Variants in TLE2 observed in about 807,000 individuals in gnomAD.
TLE2 encodes transducin-like enhancer protein 2.
TLE2 carries 74 observed loss-of-function variants against 97.2 expected under a neutral mutation model. That is an observed-to-expected ratio of 0.76 (90% CI 0.63 to 0.92). The LOEUF is 0.92. Among genes scored for constraint, TLE2 ranks in the 40% least tolerant of loss-of-function variants. The probability of loss-of-function intolerance (pLI) is 0.00; values close to 1 mark genes in which losing one functional copy is unlikely to be tolerated. For synonymous variants in TLE2, 499 were observed against 432.1 expected (o/e 1.15, Z -1.92); for missense variants, 1,038 against 1,008.7 (o/e 1.03, Z -0.39).
chr19:3,009,877 TTC>T (rs199798455), intron 12 of TLE2, among the ~76,000 whole-genome samples, 175 bp from the exon 13 acceptor site: 20 of 114,330 alleles, frequency 1.7e-4, no homozygotes, highest in South Asian at 2.6e-4. Context: ...GGACACGACT[TTC>T]TCTCTCTCTT....
chr19:3,017,396 C>A (rs2089732900), intron 8 of TLE2, among the ~76,000 whole-genome samples: 1 of 151,864 alleles, frequency 6.6e-6, no homozygotes, highest in Non-Finnish European at 1.5e-5. Context: ...CCTTGGCCTC[C>A]CAAAGTGCTG....
chr19:3,025,805 C>T (rs578001279), intron 4 of TLE2, among the ~76,000 whole-genome samples: 5 of 148,818 alleles, frequency 3.4e-5, no homozygotes, highest in Admixed American at 2.7e-4. Context: ...CAGGGTGTCC[C>T]GCACCCCATA....
At chr19:3,014,215 C>T (rs1056211431) in intron 10 of TLE2, among the ~76,000 whole-genome samples, 2 of 152,218 alleles carry the variant, frequency 1.3e-5, no homozygotes, top group East Asian at 1.9e-4. Flanking sequence ...CCACCACGCC[C>T]GGCCTGTAAA....
chr19:3,029,140 G>A lies in TLE2; in HGVS notation c.-236C>T, dbSNP rs980456389. The A allele has an allele frequency of 3.7e-4, 379 of 1,016,648 alleles. 2 individuals carry two copies. In the African/African-American group the frequency reaches 6.2e-3, roughly 17 times the overall value. 63.0% of individuals were successfully genotyped at this position (1,016,648 alleles called of 1,614,324 possible). A position where few individuals can be genotyped will look rare whatever the true frequency, so the allele number is the denominator to read the frequency against. On this transcript the variant is annotated 5_prime_UTR_variant, in exon 1 of 20. Coordinates refer to ENST00000262953, the MANE Select transcript of TLE2 (RefSeq NM_003260.5). ...GCGCGGGGCGAGCGGGGCGGGCAGG[G>A]GCAGCGGCCGGGGCGGGAGCGCGGC...
At chr19:3,032,699 G>A (rs1044300525), upstream of TLE2, among the ~76,000 whole-genome samples, 16 of 152,002 alleles carry the variant, frequency 1.1e-4, no homozygotes, top group Admixed American at 9.2e-4. This position sits in a 1 kb window ranked among gnomAD's most constrained non-coding sequence, Gnocchi z 4.1. Flanking sequence ...GCCAGAAACC[G>A]CCGGCCACAC....
At chr19:3,031,731 C>T (rs2090026625), upstream of TLE2, among the ~76,000 whole-genome samples, 1 of 152,174 alleles carries the variant, frequency 6.6e-6, no homozygotes, top group Non-Finnish European at 1.5e-5. Context: ...AGGGCCATTG[C>T]ACTTTCTGTT....
At chr19:3,024,964 C>G (rs953688931) in intron 5 of TLE2, 56 bp downstream of exon 5, 7 of 1,482,296 alleles carry the variant, frequency 4.7e-6, no homozygotes, top group African/African-American at 1.4e-5. Flanking sequence ...GACCTACCCC[C>G]TCCCGTCTTC....
At chr19:3,000,996 C>T (rs1445221958) in intron 18 of TLE2, among the ~76,000 whole-genome samples, 4 of 151,630 alleles carry the variant, frequency 2.6e-5, no homozygotes, top group South Asian at 4.2e-4. Flanking sequence ...TATTTTTTGC[C>T]GGGGGCAGTG....
At chr19:3,026,058 CAG>C (rs1222987643) in intron 4 of TLE2, among the ~76,000 whole-genome samples, 1 of 152,112 alleles carries the variant, frequency 6.6e-6, no homozygotes, top group Non-Finnish European at 1.5e-5. Flanking sequence ...CCATGAAGCT[CAG>C]AAGTTTGGGA....
chr19:3,015,205 G>A (rs975081351), intron 9 of TLE2, among the ~76,000 whole-genome samples: 6 of 152,126 alleles, frequency 3.9e-5, no homozygotes, highest in African/African-American at 1.4e-4. Flanking sequence ...TCCCCAGCTG[G>A]CCACAGCCCC....
At chr19:3,026,168 C>T (rs1334274743) in intron 4 of TLE2, among the ~76,000 whole-genome samples, 20 of 152,106 alleles carry the variant, frequency 1.3e-4, no homozygotes, top group East Asian at 1.9e-4. Context: ...GTCTATTGGC[C>T]GGGCAAGGTG....
At chr19:3,009,742 AC>A in intron 12 of TLE2, 40 bp from the exon 13 acceptor site, 2 of 1,565,944 alleles carry the variant, frequency 1.3e-6, no homozygotes, top group Non-Finnish European at 1.7e-6. Context: ...GACGCCCTGG[AC>A]CCAGATCCCG....
At chr19:2,999,307 A>G (rs1353633426) in intron 19 of TLE2, among the ~76,000 whole-genome samples, 2 of 151,720 alleles carry the variant, frequency 1.3e-5, no homozygotes, top group African/African-American at 4.8e-5. Context: ...CACTGTACCA[A>G]CCAGGACGGG....
At chr19:3,017,961 GC>G in intron 7 of TLE2, 102 bp from the exon 8 acceptor site, 2 of 1,059,258 alleles carry the variant, frequency 1.9e-6, no homozygotes, top group East Asian at 2.6e-5. Flanking sequence ...AAAGCCCCCC[GC>G]CCCCACCACC....
At position 3,005,900 on chromosome 19, in the gene TLE2, C is replaced by T; in HGVS notation, c.1569G>A (p.Glu523=). The T allele has an allele frequency of 6.2e-7, 1 of 1,613,786 alleles. No individual in the cohort carries two copies. The highest frequency in any genetic ancestry group is 8.5e-7 in the Non-Finnish European group (1 of 1,179,776). Residue 523 remains glutamate, a synonymous_variant, in exon 16 of 20, where the codon GAG becomes GAA. Coordinates refer to ENST00000262953, the MANE Select transcript of TLE2 (RefSeq NM_003260.5). The stretch of plus-strand genomic sequence containing the variant: ...GGTCCCAAATGGACAAGGTGCTGGC[C>T]TCACCGCCCACGATCAGACTCCGGC... ...PDGRSLIVGG[E]ASTLSIWDLA...
At chr19:3,037,404 C>T (rs182445483) in intron 1 of TLE2, among the ~76,000 whole-genome samples, 6 of 152,338 alleles carry the variant, frequency 3.9e-5, no homozygotes, top group African/African-American at 1.4e-4. Context: ...TTACCCTAAC[C>T]CTAAGTGGAC....
chr19:3,036,808 C>A (rs950164445), intron 1 of TLE2, among the ~76,000 whole-genome samples: 1 of 152,118 alleles, frequency 6.6e-6, no homozygotes, highest in Non-Finnish European at 1.5e-5. Context: ...GGTGGAAACT[C>A]AAGGAGGGGC....
intron 12 of TLE2, among the ~76,000 whole-genome samples, 197 bp from the exon 13 acceptor site, chr19:3,009,899 TG>T (rs1568236282): frequency 1.6e-4 from 24 of 151,906 alleles, no homozygotes; most frequent in African/African-American, 5.8e-4. Context: ...TTTTTTCTTT[TG>T]TTTGAGATGG....
chr19:3,044,424 C>T (rs1460028831), intron 1 of TLE2, among the ~76,000 whole-genome samples: 4 of 152,190 alleles, frequency 2.6e-5, no homozygotes, highest in Admixed American at 2.6e-4. Context: ...GGCTTCTCTG[C>T]CCTTTGCTTT....
Sources: gnomAD v4.1 joint callset for allele counts (sites outside exome capture counted in the v4.1 genomes callset) on GRCh38, gnomAD v4.1.1 for gene constraint, Gnocchi (gnomAD v3.1) non-coding constraint, MANE v1.5 for transcripts, NCBI Gene and HGNC (gene_info 2026-07-23, HGNC 2026-07-21) for gene names.